The following ARPP21 variants were observed in gnomAD, a reference collection of about 807,000 sequenced individuals.
ARPP21 encodes cAMP-regulated phosphoprotein 21.
A neutral mutation model predicts 113.2 loss-of-function variants in ARPP21; 69 were observed. The ratio of observed to expected loss-of-function variants is 0.61; its 90% CI spans 0.50 to 0.74. The LOEUF is 0.74. Ranked by LOEUF, ARPP21 falls within the 30% of genes least tolerant of loss-of-function variation. ARPP21 has a pLI of 0.00. For missense variants in ARPP21, 1,070 were observed against 1,037.4 expected (o/e 1.03, Z -0.43); for synonymous variants, 368 against 375.5 (o/e 0.98, Z 0.23).
chr3:35,677,811 T>C (rs1157275185), intron 1 of ARPP21, among the ~76,000 whole-genome samples: 2 of 151,954 alleles, frequency 1.3e-5, no homozygotes, highest in Non-Finnish European at 2.9e-5. Context: ...GAAATGGCAG[T>C]GGAAGAGTCC....
intron 19 of ARPP21, among the ~76,000 whole-genome samples, chr3:35,771,738 C>A (rs1305987114): frequency 1.3e-5 from 2 of 152,046 alleles, no homozygotes; most frequent in East Asian, 3.9e-4. Context: ...GCAGGGTAAG[C>A]AAAATGTGAA....
At chr3:35,774,454 A>G (rs1478441460) in intron 19 of ARPP21, among the ~76,000 whole-genome samples, 1 of 152,116 alleles carries the variant, frequency 6.6e-6, no homozygotes, top group Admixed American at 6.6e-5. Flanking sequence ...ATTGCTCTTT[A>G]TCAATGGATA....
intron 1 of ARPP21, among the ~76,000 whole-genome samples, chr3:35,665,247 A>T (rs766154855): frequency 6.6e-6 from 1 of 152,158 alleles, no homozygotes; most frequent in Non-Finnish European, 1.5e-5. Flanking sequence ...GCCTTTATGT[A>T]GATAAATATA....
chr3:35,687,016 G>C (rs138893650), intron 5 of ARPP21, among the ~76,000 whole-genome samples: 3 of 151,190 alleles, frequency 2.0e-5, no homozygotes, highest in Admixed American at 2.0e-4. Context: ...AGGACTAACT[G>C]ATGCTAAAAT....
At chr3:35,660,781 C>G (rs1361643866) in intron 1 of ARPP21, among the ~76,000 whole-genome samples, 1 of 152,086 alleles carries the variant, frequency 6.6e-6, no homozygotes, top group African/African-American at 2.4e-5. Flanking sequence ...GGGTACTACT[C>G]TCTTTATCTT....
intron 12 of ARPP21, among the ~76,000 whole-genome samples, chr3:35,716,432 T>C (rs2092403683): frequency 6.6e-6 from 1 of 152,106 alleles, no homozygotes; most frequent in South Asian, 2.1e-4. Context: ...CCATCATTCA[T>C]ATTTGCAGTT....
chr3:35,742,398 T>C (rs1196387914), intron 18 of ARPP21, among the ~76,000 whole-genome samples: 1 of 152,182 alleles, frequency 6.6e-6, no homozygotes, highest in Non-Finnish European at 1.5e-5. Context: ...ACTCCAGAAT[T>C]ATTTGTTTTT....
intron 18 of ARPP21, among the ~76,000 whole-genome samples, chr3:35,743,028 A>C (rs1258129631): frequency 6.6e-6 from 1 of 152,234 alleles, no homozygotes; most frequent in African/African-American, 2.4e-5. Context: ...GAAAGTTAAG[A>C]AGGTAGCATA....
intron 19 of ARPP21, among the ~76,000 whole-genome samples, chr3:35,744,967 G>A (rs2094928601): frequency 6.6e-6 from 1 of 152,148 alleles, no homozygotes; most frequent in Admixed American, 6.5e-5. Context: ...CTGTCAGATT[G>A]GAGAAAGAAT....
chr3:35,675,344 C>T (rs1276331155), intron 1 of ARPP21, among the ~76,000 whole-genome samples: 1 of 151,758 alleles, frequency 6.6e-6, no homozygotes, highest in East Asian at 2.0e-4. Flanking sequence ...CTGAAACTAA[C>T]CTTGATGCTG....
At chr3:35,655,561 T>C (rs1704468646) in intron 1 of ARPP21, among the ~76,000 whole-genome samples, 1 of 151,962 alleles carries the variant, frequency 6.6e-6, no homozygotes, top group Admixed American at 6.6e-5. Context: ...TCTGTACACT[T>C]TAGATTTTGA....
intron 17 of ARPP21, 131 bp downstream of exon 17, chr3:35,738,449 G>A: frequency 1.5e-6 from 1 of 668,850 alleles, no homozygotes; most frequent in South Asian, 1.8e-5. Context: ...ATGTGCGAAT[G>A]TCTCATTTCT....
At chr3:35,721,473 T>C in intron 13 of ARPP21, 132 bp from the exon 14 acceptor site, 1 of 621,598 alleles carries the variant, frequency 1.6e-6, no homozygotes, top group Admixed American at 2.9e-5. Flanking sequence ...AGGCAACTGG[T>C]TTAATGAAAA....
chr3:35,717,214 G>A (rs2092529450), intron 12 of ARPP21, 84 bp from the exon 13 acceptor site: 3 of 763,906 alleles, frequency 3.9e-6, no homozygotes, highest in East Asian at 2.5e-5. Context: ...GATTTGTGCT[G>A]TAGTAGAGTA....
chr3:35,640,787 G>T (rs1434264501), intron 1 of ARPP21, among the ~76,000 whole-genome samples: 1 of 152,154 alleles, frequency 6.6e-6, no homozygotes, highest in African/African-American at 2.4e-5. Flanking sequence ...GGTCCCAAAG[G>T]GCTCAAGGGG....
chr3:35,725,426 G>A (rs1425057815), intron 14 of ARPP21, among the ~76,000 whole-genome samples: 2 of 152,096 alleles, frequency 1.3e-5, no homozygotes, highest in Non-Finnish European at 2.9e-5. Flanking sequence ...GGAACATTAA[G>A]GTCATCTTCC....
Position 35,727,315 on chromosome 3 carries a change from C to A in ARPP21, c.1226-1988C>A, listed in dbSNP as rs545283714. On this transcript the variant is annotated intron_variant, in intron 14 of 20. Coordinates refer to ENST00000684406, the MANE Select transcript of ARPP21 (RefSeq NM_001385562.1). ...CTGCACAGACCAAATTCCAGCTCTG[C>A]CATTATCTAGCTATATCTAGCTGAC... is the stretch of plus-strand genomic sequence containing the variant. Among the ~76,000 whole-genome samples, 5 of 152,308 alleles carry A rather than the reference C, an allele frequency of 3.3e-5. No individual in the cohort carries two copies. The East Asian group carries it at 9.6e-4, about 29-fold the overall frequency.
At chr3:35,786,756 G>A (rs952672317) in intron 19 of ARPP21, among the ~76,000 whole-genome samples, 2 of 152,008 alleles carry the variant, frequency 1.3e-5, no homozygotes, top group Admixed American at 1.3e-4. Flanking sequence ...CCTTCCTTGT[G>A]CCCGAGGACC....
intron 18 of ARPP21, 121 bp downstream of exon 18, chr3:35,739,698 T>G: frequency 1.2e-5 from 15 of 1,253,292 alleles, no homozygotes; most frequent in Non-Finnish European, 1.5e-5. Flanking sequence ...TATATTAATA[T>G]TCCTCACCAA....
Sources: gnomAD v4.1 joint callset for allele counts (sites outside exome capture counted in the v4.1 genomes callset) on GRCh38, gnomAD v4.1.1 for gene constraint, MANE v1.5 for transcripts, NCBI Gene and HGNC (gene_info 2026-07-23, HGNC 2026-07-21) for gene names.